ATP13A2: variants seen among roughly 807,000 people sequenced by gnomAD.
ATP13A2 encodes polyamine-transporting ATPase 13A2.
Under a neutral mutation model 138.3 loss-of-function variants are expected in ATP13A2, and 83 were observed. The ratio of observed to expected loss-of-function variants is 0.60; its 90% confidence interval spans 0.50 to 0.72. ATP13A2 has a LOEUF of 0.72. ATP13A2 is among the 30% of genes least tolerant of loss of function. The pLI is 0.00. For missense variants in ATP13A2, 1,402 were observed against 1,606.4 expected, an observed-to-expected ratio of 0.87 and a Z score of 2.17; for synonymous variants, 663 against 699.0, an observed-to-expected ratio of 0.95 and a Z score of 0.81.
chr1:17,011,577 G>T lies in ATP13A2; in HGVS notation c.10+152C>A. The T allele has an allele frequency of 1.0e-6, 1 of 961,482 alleles. No individual in the cohort carries two copies. The highest frequency in any genetic ancestry group is 1.4e-6 in the Non-Finnish European group (1 of 732,402). The allele number at this position is 961,482 out of a possible 1,614,324, so 59.6% of individuals were successfully genotyped here. A position where few individuals can be genotyped will look rare whatever the true frequency, so the allele number is the denominator to read the frequency against. ...GGGCCGAGTCCCCGTCAAAAGGGAG[G>T]GGACGGGCCAGGATCCCCAACCAGG... On this transcript the variant is annotated intron_variant, in intron 1 of 28. Transcript: ENST00000326735. This position sits in a 1 kb window ranked among gnomAD's most constrained non-coding sequence, Gnocchi z 7.3.
At position 17,002,344 on chromosome 1, in the gene ATP13A2, T is replaced by C; in HGVS notation, c.587A>G (p.Asp196Gly). Residue 196 changes from aspartate to glycine, a missense_variant, in exon 7 of 29, where the codon GAC becomes GGC. By Grantham distance (94) the Asp-to-Gly change is moderately conservative. Coordinates refer to ENST00000326735, the MANE Select transcript of ATP13A2 (RefSeq NM_022089.4). ...GAGGCCATGGCGGGAGCGGTGGACG[T>C]CGTCACAAGAGCGGCCATGGTCCAG... ...SLLDHGRSCD[D>G]VHRSRHGLSL... is the part of the protein sequence containing the mutation. The C allele has an allele frequency of 5.6e-6, 9 of 1,613,108 alleles. No homozygotes were observed. The highest frequency in any genetic ancestry group is 7.6e-6 in the Non-Finnish European group (9 of 1,179,822).
intron 1 of ATP13A2, among the ~76,000 whole-genome samples, chr1:17,007,481 G>A (rs2077601772): frequency 6.6e-6 from 1 of 152,010 alleles, no homozygotes; most frequent in South Asian, 2.1e-4. Flanking sequence ...CTGGGCGGGT[G>A]CGGGGTAGGC....
chr1:17,008,279 C>T (rs1414177325), intron 1 of ATP13A2, among the ~76,000 whole-genome samples: 8 of 151,928 alleles, frequency 5.3e-5, no homozygotes, highest in African/African-American at 1.7e-4. Flanking sequence ...ATAGCTGGGA[C>T]TACAGGCACA....
At chr1:17,008,467 G>A (rs1256596154) in intron 1 of ATP13A2, among the ~76,000 whole-genome samples, 1 of 152,202 alleles carries the variant, frequency 6.6e-6, no homozygotes, top group African/African-American at 2.4e-5. Context: ...CACACAGGGA[G>A]GTAGAAGCAT....
chr1:16,993,259 AG>A (rs2076998446), intron 16 of ATP13A2, among the ~76,000 whole-genome samples: 1 of 152,138 alleles, frequency 6.6e-6, no homozygotes, highest in Non-Finnish European at 1.5e-5. Context: ...TCTGTTACCC[AG>A]GCTGGAGTGC....
At chr1:16,998,030 G>A (rs894733016) in intron 11 of ATP13A2, among the ~76,000 whole-genome samples, 1 of 152,206 alleles carries the variant, frequency 6.6e-6, no homozygotes, top group African/African-American at 2.4e-5. Context: ...CTCCCTTACT[G>A]AATGCCTGCA....
chr1:16,987,999 A>G (rs932736494), intron 25 of ATP13A2, 139 bp downstream of exon 25: 29 of 844,272 alleles, frequency 3.4e-5, no homozygotes, highest in Admixed American at 3.4e-4. Context: ...CACCTCTCCA[A>G]CCACACAGCC....
Position 17,004,971 on chromosome 1 carries a change from G to A in ATP13A2, c.347+43C>T. 1.2e-6 allele frequency: 2 copies of A among 1,612,844 alleles called. No homozygotes were observed. The highest frequency in any genetic ancestry group is 1.7e-6 in the Non-Finnish European group (2 of 1,179,728). ...AGGGTTGGGGAAGTTGGGGAGGCCAGGGTAGCAGGGGCTTCTGGGAAGGGG... is the reference window on the plus strand; with the variant it reads ...AGGGTTGGGGAAGTTGGGGAGGCCAAGGTAGCAGGGGCTTCTGGGAAGGGG... On this transcript the variant is annotated intron_variant, in intron 4 of 28. Coordinates refer to ENST00000326735, the MANE Select transcript of ATP13A2 (RefSeq NM_022089.4). This position sits in a 1 kb window ranked among gnomAD's most constrained non-coding sequence, Gnocchi z 4.1.
At chr1:16,989,604 A>C in intron 23 of ATP13A2, 87 bp downstream of exon 23, 16 of 1,313,184 alleles carry the variant, frequency 1.2e-5, no homozygotes, top group East Asian at 2.3e-5. Context: ...GGAGGGAGAC[A>C]GGGCCCTGGG....
At chr1:17,010,029 G>T (rs1381278128) in intron 1 of ATP13A2, among the ~76,000 whole-genome samples, 3 of 152,164 alleles carry the variant, frequency 2.0e-5, no homozygotes, top group Admixed American at 6.5e-5. Flanking sequence ...AGGCTGTGTG[G>T]GGGGGCGAGA....
chr1:16,993,578 G>C (rs558304091), intron 16 of ATP13A2, 51 bp downstream of exon 16: 1 of 1,515,840 alleles, frequency 6.6e-7, no homozygotes, highest in Admixed American at 2.0e-5. Context: ...GGTGGGATTC[G>C]TTAGGCCCCA....
rs775186212 is a variant in ATP13A2 at position 16,986,433 on chromosome 1, C to G, written c.3405+30G>C. 1.6e-5 allele frequency: 25 copies of G among 1,609,390 alleles called. No individual in the cohort carries two copies. The highest frequency in any genetic ancestry group is 2.5e-6 in the Non-Finnish European group (3 of 1,179,324). On this transcript the variant is annotated intron_variant, in intron 28 of 28. Transcript: ENST00000326735. This position sits in a 1 kb window ranked among gnomAD's most constrained non-coding sequence, Gnocchi z 6.9. ...CAATGCACCCCCACCTCCCTTCTCT[C>G]CCGCTGCTGAGACCCAGGGCGGGCC...
At chr1:16,998,364 C>T (rs761046761) in intron 11 of ATP13A2, among the ~76,000 whole-genome samples, 6 of 152,132 alleles carry the variant, frequency 3.9e-5, no homozygotes, top group Non-Finnish European at 8.8e-5. Flanking sequence ...ACCACTACAC[C>T]TGGCTAATTT....
At chr1:17,009,591 A>AT (rs1454528673) in intron 1 of ATP13A2, among the ~76,000 whole-genome samples, 1 of 151,476 alleles carries the variant, frequency 6.6e-6, no homozygotes, top group Admixed American at 6.6e-5. Context: ...ACAGGGTCTC[A>AT]TTTTGTTGCC....
intron 15 of ATP13A2, among the ~76,000 whole-genome samples, chr1:16,994,797 G>A (rs1342815844): frequency 6.6e-6 from 1 of 151,914 alleles, no homozygotes; most frequent in Non-Finnish European, 1.5e-5. Flanking sequence ...CGAGTAACTG[G>A]GACAACAGGC....
chr1:17,007,550 CTTT>C (rs67484789), intron 1 of ATP13A2, among the ~76,000 whole-genome samples: 27 of 80,760 alleles, frequency 3.3e-4, no homozygotes, highest in Admixed American at 7.0e-4. Context: ...AAAATTTTTC[CTTT>C]TTTTTTTTTT....
At position 17,005,746 on chromosome 1, in the gene ATP13A2, C is replaced by G; in HGVS notation, c.43G>C (p.Gly15Arg). 1 of 1,612,868 alleles carries G rather than the reference C, an allele frequency of 6.2e-7. No homozygotes were observed. The highest frequency in any genetic ancestry group is 8.5e-7 in the Non-Finnish European group (1 of 1,179,452). ...GTCCCTATCGTCAGGGTCCCATAAC[C>G]GGTGGGCGTGCTGCCCACGAGAGGG... is the stretch of plus-strand genomic sequence containing the variant. ...SSPLVGSTPT[G>R]YGTLTIGTSI... Residue 15 changes from glycine to arginine, a missense_variant, in exon 2 of 29, where the codon GGT becomes CGT. Transcript: ENST00000326735.
Position 16,993,967 on chromosome 1 carries a change from C to G in ATP13A2, c.1543-132G>C, listed in dbSNP as rs2077027287. The G allele has an allele frequency of 5.4e-6, 4 of 734,562 alleles. No individual in the cohort carries two copies. The African/African-American group carries it at 7.1e-5, about 13-fold the overall frequency. The allele number at this position is 734,562 out of a possible 1,614,324, so 45.5% of individuals were successfully genotyped here. A position where few individuals can be genotyped will look rare whatever the true frequency, so the allele number is the denominator to read the frequency against. ...AACTCGAGCTGGAGCCAAAAGATGA[C>G]CTTTCTTGACTGCTGTCCTTGGCAC... On this transcript the variant is annotated intron_variant, in intron 15 of 28. Coordinates refer to ENST00000326735, the MANE Select transcript of ATP13A2 (RefSeq NM_022089.4).
chr1:16,996,581 C>T (rs926238020), intron 12 of ATP13A2, 85 bp from the exon 13 acceptor site: 2 of 1,069,884 alleles, frequency 1.9e-6, no homozygotes, highest in Non-Finnish European at 1.4e-6. Context: ...ACCCGTGCCT[C>T]TGGAGTTGCA....
Sources: gnomAD v4.1 joint callset for allele counts (sites outside exome capture counted in the v4.1 genomes callset) on GRCh38, gnomAD v4.1.1 for gene constraint, Gnocchi (gnomAD v3.1) non-coding constraint, MANE v1.5 for transcripts, NCBI Gene and HGNC (gene_info 2026-07-23, HGNC 2026-07-21) for gene names.